Variants in MCOLN1 observed in about 807,000 individuals in gnomAD.
MCOLN1 encodes the protein mucolipin TRP cation channel 1.
In MCOLN1, 50 loss-of-function variants were observed where a neutral mutation model predicts 70.3. The ratio of observed to expected loss-of-function variants is 0.71; its 90% CI spans 0.57 to 0.90. The LOEUF is 0.90. MCOLN1 is among the 40% of genes least tolerant of loss of function. MCOLN1 has a pLI of 0.00. For missense variants in MCOLN1, 598 were observed against 803.5 expected, an observed-to-expected ratio of 0.74 and a Z score of 3.09; for synonymous variants, 366 against 341.0, an observed-to-expected ratio of 1.07 and a Z score of -0.81.
rs777799554 is a variant in MCOLN1, at chr19:7,526,500, C to G, written c.299C>G (p.Ala100Gly). The G allele has an allele frequency of 6.2e-7, 1 of 1,614,246 alleles. No homozygotes were observed. Among genetic ancestry groups the G allele is most frequent in the South Asian group, 1.1e-5 (1 of 91,092 alleles). The change falls in exon 3 of 14, where the codon GCC (alanine) becomes GGC (glycine). Residue 100 changes from alanine (A) to glycine (G), a missense_variant. This residue lies in a region of MCOLN1 where 461 missense variants were observed against 588.4 expected (regional missense o/e 0.78). Transcript: ENST00000264079. This position sits in a 1 kb window ranked among gnomAD's most constrained non-coding sequence, Gnocchi z 4.6. ...AVTFREENTI[A>G]FRHLFLLGYS... is the part of the protein sequence containing the mutation. Reference sequence around the variant, plus strand: ...ACATTCCGGGAAGAGAACACCATCGCCTTCCGACACCTCTTCCTGCTGGGC... The same window carrying G: ...ACATTCCGGGAAGAGAACACCATCGGCTTCCGACACCTCTTCCTGCTGGGC...
Position 7,525,213 on chromosome 19 carries a change from G to T in MCOLN1, c.237+47G>T. On this transcript the variant is annotated intron_variant, in intron 2 of 13. Coordinates refer to ENST00000264079, the MANE Select transcript of MCOLN1 (RefSeq NM_020533.3). This position sits in a 1 kb window ranked among gnomAD's most constrained non-coding sequence, Gnocchi z 4.2. ...CCCCAGCTGAAGGCCACCTGTGGCT[G>T]CTGTGCTCCTTGAAGAGAGTCTTAA... 1 of 1,553,812 alleles carries T rather than the reference G, an allele frequency of 6.4e-7. No individual in the cohort carries two copies. The highest frequency in any genetic ancestry group is 8.9e-7 in the Non-Finnish European group (1 of 1,127,054).
intron 12 of MCOLN1, 98 bp downstream of exon 12, chr19:7,530,599 C>T (rs1364007060): frequency 5.2e-6 from 6 of 1,158,410 alleles, no homozygotes; most frequent in Non-Finnish European, 7.7e-6. Context: ...CAGAGAAGAC[C>T]CAGGAGAGAA....
In MCOLN1 at chr19:7,526,397, C is replaced by A; in HGVS notation, c.238-42C>A. On this transcript the variant is annotated intron_variant, in intron 2 of 13. Transcript: ENST00000264079. The surrounding 1 kb of genome is among the most constrained non-coding windows in gnomAD (Gnocchi z 4.6). Reference sequence around the variant, plus strand: ...GTGCCCTGAGGGAGATACACCCCAACCCCCATCCTAGCCATGCCAACCTCT... The same window carrying A: ...GTGCCCTGAGGGAGATACACCCCAAACCCCATCCTAGCCATGCCAACCTCT... 1.9e-6 allele frequency: 3 copies of A among 1,612,536 alleles called. No homozygotes were observed. Among genetic ancestry groups the A allele is most frequent in the Non-Finnish European group, 2.5e-6 (3 of 1,178,506 alleles).
intron 12 of MCOLN1, among the ~76,000 whole-genome samples, chr19:7,531,245 G>C (rs1023072199): frequency 2.6e-5 from 4 of 151,776 alleles, no homozygotes; most frequent in African/African-American, 9.7e-5. Context: ...CTGTGGCCCA[G>C]GCTGGAGTGC....
In MCOLN1 at chr19:7,526,620, G is replaced by A. The variant is rs1171423073; in HGVS notation, c.405+14G>A. ...GCTGTGGACCAGGTGCTGGTGGGCG[G>A]GCAGGTGCTGGTGGGCAGGCAGGTG... On this transcript the variant is annotated intron_variant, in intron 3 of 13. Transcript: ENST00000264079. The surrounding 1 kb of genome is among the most constrained non-coding windows in gnomAD (Gnocchi z 4.6). 4 of 1,608,884 alleles carry A rather than the reference G, an allele frequency of 2.5e-6. No homozygotes were observed. Among genetic ancestry groups the A allele is most frequent in the Non-Finnish European group, 3.4e-6 (4 of 1,178,984 alleles).
Position 7,526,710 on chromosome 19 carries a change from G to C in MCOLN1, c.406-51G>C. On this transcript the variant is annotated intron_variant, in intron 3 of 13. Transcript: ENST00000264079. The surrounding 1 kb of genome is among the most constrained non-coding windows in gnomAD (Gnocchi z 4.6). ...GTGGGCGGGCAGGTGCAGGTGGGTG[G>C]GCTGCAGAGAGCGGGCCGGACTCAC... The C allele has an allele frequency of 6.2e-7, 1 of 1,608,006 alleles. No individual in the cohort carries two copies. The highest frequency in any genetic ancestry group is 8.5e-7 in the Non-Finnish European group (1 of 1,179,398).
At chr19:7,532,130 G>A (rs1477387389) in intron 12 of MCOLN1, among the ~76,000 whole-genome samples, 2 of 152,240 alleles carry the variant, frequency 1.3e-5, no homozygotes, top group Non-Finnish European at 2.9e-5. Flanking sequence ...GAAGTGGCAG[G>A]TAGATAGGAT....
intron 5 of MCOLN1, 118 bp downstream of exon 5, chr19:7,527,746 T>C: frequency 9.0e-7 from 1 of 1,106,098 alleles, no homozygotes; most frequent in Non-Finnish European, 1.4e-6. Context: ...CGCTGGTGCC[T>C]GCTGGGTGAG....
At position 7,522,654 on chromosome 19, in the gene MCOLN1, C is replaced by T; in HGVS notation, c.-97C>T. 6 of 1,310,516 alleles carry T rather than the reference C, an allele frequency of 4.6e-6. No individual in the cohort carries two copies. Among genetic ancestry groups the T allele is most frequent in the African/African-American group, 3.1e-5 (2 of 65,036 alleles). 81.2% of individuals were successfully genotyped at this position (1,310,516 alleles called of 1,614,324 possible). On this transcript the variant is annotated 5_prime_UTR_variant, in exon 1 of 14. Transcript: ENST00000264079. Reference sequence around the variant, plus strand: ...TCAGCTGATGCCGGAGGGTTTGAAGCCGCGCCGCGAGGGAGCGAGGTCGCA... The same window carrying T: ...TCAGCTGATGCCGGAGGGTTTGAAGTCGCGCCGCGAGGGAGCGAGGTCGCA...
At position 7,525,494 on chromosome 19, in the gene MCOLN1, A is replaced by AC; in HGVS notation, c.237+328_237+329insC. On this transcript the variant is annotated intron_variant, in intron 2 of 13. Coordinates refer to ENST00000264079, the MANE Select transcript of MCOLN1 (RefSeq NM_020533.3). The surrounding 1 kb of genome is among the most constrained non-coding windows in gnomAD (Gnocchi z 4.2). ...GGCAACAGAGCAAGACTGTCTCAAA[A>AC]AAAAAAAGAAGCCGACTCTGAGGCT... The AC allele has an allele frequency of 3.1e-6, 1 of 322,142 alleles. No individual in the cohort carries two copies. The highest frequency in any genetic ancestry group is 6.0e-6 in the Non-Finnish European group (1 of 166,890). 20.0% of individuals were successfully genotyped at this position (322,142 alleles called of 1,614,324 possible).
chr19:7,529,193 CA>C lies in MCOLN1; in HGVS notation c.1229del (p.Asn410ThrfsTer43). ...TGATCCGCTACCTGACCTTCTTCCA[CA>C]ACTACAATGTGAGTTTTGCACATGC... is the stretch of plus-strand genomic sequence containing the variant. ...GVIRYLTFFH[N>X]YNILIATLRV... On this transcript the variant is annotated frameshift_variant, in exon 10 of 14. Transcript: ENST00000264079. LOFTEE classifies it high-confidence loss of function. The C allele has an allele frequency of 6.2e-7, 1 of 1,612,622 alleles. No homozygotes were observed. The highest frequency in any genetic ancestry group is 8.5e-7 in the Non-Finnish European group (1 of 1,179,844).
chr19:7,526,398 C>A lies in MCOLN1; in HGVS notation c.238-41C>A, dbSNP rs773515697. On this transcript the variant is annotated intron_variant, in intron 2 of 13. Coordinates refer to ENST00000264079, the MANE Select transcript of MCOLN1 (RefSeq NM_020533.3). This position sits in a 1 kb window ranked among gnomAD's most constrained non-coding sequence, Gnocchi z 4.6. Reference sequence around the variant, plus strand: ...TGCCCTGAGGGAGATACACCCCAACCCCCATCCTAGCCATGCCAACCTCTA... The same window carrying A: ...TGCCCTGAGGGAGATACACCCCAACACCCATCCTAGCCATGCCAACCTCTA... 5 of 1,612,922 alleles carry A rather than the reference C, an allele frequency of 3.1e-6. No individual in the cohort carries two copies. Among genetic ancestry groups the A allele is most frequent in the South Asian group, 2.2e-5 (2 of 91,056 alleles).
chr19:7,533,777 T>A lies in MCOLN1; in HGVS notation c.1725T>A (p.His575Gln). The A allele has an allele frequency of 6.2e-7, 1 of 1,614,164 alleles. No homozygotes were observed. Among genetic ancestry groups the A allele is most frequent in the East Asian group, 2.2e-5 (1 of 44,876 alleles). Reference protein sequence around the residue: ...CCCGRDPSEEHSLLVN With the variant: ...CCCGRDPSEEQSLLVN ...CCTCCAGGGACCCCTCGGAGGAGCA[T>A]TCGCTGCTGGTGAATTGATTCGACC... is the stretch of plus-strand genomic sequence containing the variant. Residue 575 changes from histidine (H) to glutamine (Q), a missense_variant, in exon 14 of 14, where the codon CAT becomes CAA. Coordinates refer to ENST00000264079, the MANE Select transcript of MCOLN1 (RefSeq NM_020533.3).
At chr19:7,530,915 A>G (rs1410952861) in intron 12 of MCOLN1, among the ~76,000 whole-genome samples, 1 of 152,004 alleles carries the variant, frequency 6.6e-6, no homozygotes, top group Non-Finnish European at 1.5e-5. Context: ...TAATTTTTGT[A>G]TTTTTAGTAG....
chr19:7,529,501 G>GGGCCCCCC, intron 10 of MCOLN1, 89 bp from the exon 11 acceptor site: 3 of 747,242 alleles, frequency 4.0e-6, no homozygotes, highest in East Asian at 2.9e-5. Flanking sequence ...CCTCGGCAAG[G>GGGCCCCCC]CCCCGCCCCT....
At position 7,529,723 on chromosome 19, in the gene MCOLN1, C is replaced by A. The variant is rs193053180; in HGVS notation, c.1359+11C>A. 1.8e-4 allele frequency: 284 copies of A among 1,613,896 alleles called. No individual in the cohort carries two copies. The African/African-American group carries it at 3.4e-3, about 19-fold the overall frequency. On this transcript the variant is annotated intron_variant, in intron 11 of 13. Transcript: ENST00000264079. ...CCCTATCATGTGAAGGTACATCTAACCCCTGATGTCCCTGACATTGACCCT... is the reference window on the plus strand; with the variant it reads ...CCCTATCATGTGAAGGTACATCTAAACCCTGATGTCCCTGACATTGACCCT...
At position 7,530,288 on chromosome 19, in the gene MCOLN1, C is replaced by T. The variant is rs780662724; in HGVS notation, c.1362C>T (p.Phe454=). The T allele has an allele frequency of 6.2e-7, 1 of 1,612,580 alleles. No individual in the cohort carries two copies. Among genetic ancestry groups the T allele is most frequent in the East Asian group, 2.2e-5 (1 of 44,886 alleles). The change falls in exon 12 of 14, where the codon TTC becomes TTT. Residue 454 remains phenylalanine, a splice_region_variant and synonymous_variant. Transcript: ENST00000264079. ...WIVLGPYHVK[F]RSLSMVSECL... ...TGACCCCGCCGCCCCTCTGGCAGTT[C>T]CGCTCACTCTCCATGGTGTCTGAGT...
At position 7,529,637 on chromosome 19, in the gene MCOLN1, C is replaced by T. The variant is rs762781956; in HGVS notation, c.1284C>T (p.Phe428=). 1 of 1,614,196 alleles carries T rather than the reference C, an allele frequency of 6.2e-7. No individual in the cohort carries two copies. Among genetic ancestry groups the T allele is most frequent in the South Asian group, 1.1e-5 (1 of 91,084 alleles). The change falls in exon 11 of 14, where the codon TTC becomes TTT. Residue 428 remains phenylalanine (F), a synonymous_variant. Transcript: ENST00000264079. The part of the protein sequence containing the change: ...LRVALPSVMR[F]CCCVAVIYLG... ...TGGCCCTGCCCAGCGTCATGCGCTT[C>T]TGCTGCTGCGTGGCTGTCATCTACC...
At chr19:7,530,887 C>T in intron 12 of MCOLN1, among the ~76,000 whole-genome samples, 1 of 152,098 alleles carries the variant, frequency 6.6e-6, no homozygotes, top group East Asian at 1.9e-4. Context: ...ACTACAGGCA[C>T]ACGCCACCAC....
Sources: allele counts gnomAD v4.1 joint callset (sites outside exome capture counted in the v4.1 genomes callset), GRCh38; gene constraint gnomAD v4.1.1; regional missense constraint gnomAD v4.1.1; non-coding constraint Gnocchi (gnomAD v3.1); transcripts MANE v1.5; gene names NCBI Gene and HGNC (gene_info 2026-07-23, HGNC 2026-07-21).